DYNC2H1: variants seen among roughly 807,000 people sequenced by gnomAD.
The protein encoded by DYNC2H1 is cytoplasmic dynein 2 heavy chain 1.
Under a neutral mutation model 570.0 loss-of-function variants are expected in DYNC2H1, and 410 were observed. The observed-to-expected ratio is 0.72, with a 90% confidence interval of 0.66 to 0.78. DYNC2H1 has a LOEUF of 0.78. Among genes scored for constraint, DYNC2H1 ranks in the 30% least tolerant of loss-of-function variants. The probability of loss-of-function intolerance (pLI) is 0.00; values close to 1 mark genes in which losing one functional copy is unlikely to be tolerated. For missense variants in DYNC2H1, 4,865 were observed against 5,046.4 expected, an observed-to-expected ratio of 0.96 and a Z score of 1.09; for synonymous variants, 1,688 against 1,677.6, an observed-to-expected ratio of 1.01 and a Z score of -0.15.
intron 84 of DYNC2H1, among the ~76,000 whole-genome samples, chr11:103,400,931 C>G (rs922000368): frequency 4.6e-5 from 7 of 152,090 alleles, no homozygotes; most frequent in Admixed American, 1.3e-4. Context: ...GTTAATCAAC[C>G]ATGATTATCA....
intron 85 of DYNC2H1, among the ~76,000 whole-genome samples, chr11:103,449,862 C>A (rs754623256): frequency 6.6e-6 from 1 of 152,144 alleles, no homozygotes; most frequent in Non-Finnish European, 1.5e-5. Flanking sequence ...AGCATTTTTA[C>A]AAATTGATAG....
chr11:103,202,293 G>GTTTTTTTT (rs1318165052), intron 50 of DYNC2H1, among the ~76,000 whole-genome samples: 3 of 47,152 alleles, frequency 6.4e-5, no homozygotes, highest in Non-Finnish European at 3.5e-5. Context: ...CAGAAACACA[G>GTTTTTTTT]ATTTTTTTTT....
chr11:103,278,497 T>A (rs1333031471), intron 70 of DYNC2H1, among the ~76,000 whole-genome samples: 1 of 152,148 alleles, frequency 6.6e-6, no homozygotes, highest in Admixed American at 6.5e-5. Flanking sequence ...CTGGCTAAGG[T>A]CACCTGGCTA....
At chr11:103,230,447 C>T (rs959515414) in intron 59 of DYNC2H1, among the ~76,000 whole-genome samples, 3 of 152,066 alleles carry the variant, frequency 2.0e-5, no homozygotes, top group African/African-American at 7.2e-5. Flanking sequence ...TTATCTTTCA[C>T]CTAGGATGTG....
chr11:103,115,235 TA>T lies in DYNC2H1; in HGVS notation c.564del (p.Lys188AsnfsTer31). The T allele has an allele frequency of 6.2e-7, 1 of 1,609,986 alleles. No homozygotes were observed. The highest frequency in any genetic ancestry group is 8.5e-7 in the Non-Finnish European group (1 of 1,178,030). On this transcript the variant is annotated frameshift_variant, in exon 4 of 89. Transcript: ENST00000375735. LOFTEE classifies it high-confidence loss of function. ...FWIEQAHRGN[K>X]QISKERANYF... ...GGATAGAACAAGCTCACCGTGGAAA[TA>T]AACAGATTAGTAAAGAAAGAGCCAA...
rs546169154 is a variant in DYNC2H1, at chr11:103,244,624, T to C, written c.9919-627T>C. On this transcript the variant is annotated intron_variant, in intron 64 of 88. Coordinates refer to ENST00000375735, the MANE Select transcript of DYNC2H1 (RefSeq NM_001377.3). This position sits in a 1 kb window ranked among gnomAD's most constrained non-coding sequence, Gnocchi z 4.3. ...GTTTGCAATATTATGTATGACTACA[T>C]ATAAGTATACTATATATCTCTATAT... Among the ~76,000 whole-genome samples the C allele has an allele frequency of 1.0e-4, 15 of 148,688 alleles. No individual in the cohort carries two copies. Among genetic ancestry groups the C allele is most frequent in the African/African-American group, 3.7e-4 (15 of 40,972 alleles).
chr11:103,377,422 A>G (rs1292273532), intron 83 of DYNC2H1, among the ~76,000 whole-genome samples: 5 of 151,684 alleles, frequency 3.3e-5, no homozygotes, highest in Non-Finnish European at 7.4e-5. Context: ...TGTATTTTTT[A>G]GTTTATTTTC....
At chr11:103,361,821 A>G (rs1940657498) in intron 83 of DYNC2H1, among the ~76,000 whole-genome samples, 1 of 152,228 alleles carries the variant, frequency 6.6e-6, no homozygotes, top group Non-Finnish European at 1.5e-5. Context: ...AGACTGTGTT[A>G]CCATAGAAAC....
chr11:103,227,926 G>A (rs550528276), intron 59 of DYNC2H1, among the ~76,000 whole-genome samples: 74 of 152,158 alleles, frequency 4.9e-4, no homozygotes, highest in African/African-American at 1.4e-3. Context: ...TCCTTTTATC[G>A]TTATATAATG....
intron 83 of DYNC2H1, among the ~76,000 whole-genome samples, chr11:103,365,189 C>A (rs1297147496): frequency 6.6e-6 from 1 of 152,000 alleles, no homozygotes; most frequent in South Asian, 2.1e-4. Context: ...TGGAGAAACC[C>A]TGTCTCTACT....
intron 83 of DYNC2H1, among the ~76,000 whole-genome samples, chr11:103,378,901 A>G (rs3910095): frequency 0.053 from 8,066 of 152,224 alleles, 263 homozygotes; most frequent in Non-Finnish European, 0.077. Context: ...TCTTTCCTTC[A>G]GAGTATTCTT....
At chr11:103,230,971 T>C (rs933453626) in intron 59 of DYNC2H1, among the ~76,000 whole-genome samples, 1 of 152,180 alleles carries the variant, frequency 6.6e-6, no homozygotes, top group Non-Finnish European at 1.5e-5. Context: ...TTCATTTTAG[T>C]AGGGTTCTAG....
chr11:103,145,758 A>T lies in DYNC2H1; in HGVS notation c.2703-2014A>T, dbSNP rs188810594. Among the ~76,000 whole-genome samples, 42 of 152,382 alleles carry T rather than the reference A, an allele frequency of 2.8e-4. No individual in the cohort carries two copies. The South Asian group carries it at 8.7e-3, about 32-fold the overall frequency. ...CTAGTGATGTATTTTAGATAGTATCATAAGAAAATCATTTTTGAATATGCA... is the reference window on the plus strand; with the variant it reads ...CTAGTGATGTATTTTAGATAGTATCTTAAGAAAATCATTTTTGAATATGCA... On this transcript the variant is annotated intron_variant, in intron 18 of 88. Transcript: ENST00000375735. The surrounding 1 kb of genome is among the most constrained non-coding windows in gnomAD (Gnocchi z 4.2).
chr11:103,297,884 A>G (rs1320484526), intron 75 of DYNC2H1, among the ~76,000 whole-genome samples: 2 of 152,062 alleles, frequency 1.3e-5, no homozygotes, highest in African/African-American at 2.4e-5. Flanking sequence ...TGTTGTCTCT[A>G]TGTTTAGAGT....
intron 59 of DYNC2H1, among the ~76,000 whole-genome samples, chr11:103,223,840 C>T (rs889520037): frequency 1.3e-5 from 2 of 151,294 alleles, no homozygotes; most frequent in African/African-American, 4.9e-5. Flanking sequence ...CTCCGCCTCC[C>T]GGGTTCAAGT....
chr11:103,270,208 A>T (rs1475541326), intron 70 of DYNC2H1, among the ~76,000 whole-genome samples: 12 of 147,448 alleles, frequency 8.1e-5, no homozygotes, highest in South Asian at 4.3e-4. Context: ...AAAAAAAAAA[A>T]ATAATAATAA....
At chr11:103,445,283 A>C (rs1944386578) in intron 85 of DYNC2H1, among the ~76,000 whole-genome samples, 1 of 152,216 alleles carries the variant, frequency 6.6e-6, no homozygotes, top group Admixed American at 6.5e-5. Context: ...AGCATTTAGT[A>C]TATGAAACTA....
At position 103,472,538 on chromosome 11, in the gene DYNC2H1, C is replaced by A. The variant is rs974187126; in HGVS notation, c.12765+3833C>A. On this transcript the variant is annotated intron_variant, in intron 88 of 88. Coordinates refer to ENST00000375735, the MANE Select transcript of DYNC2H1 (RefSeq NM_001377.3). The surrounding 1 kb of genome is among the most constrained non-coding windows in gnomAD (Gnocchi z 4.1). ...TAACAATCCTATGAGTTTGGTACAGCAAATTTTCTATTTTTCTGATGAAAG... is the reference window on the plus strand; with the variant it reads ...TAACAATCCTATGAGTTTGGTACAGAAAATTTTCTATTTTTCTGATGAAAG... Among the ~76,000 whole-genome samples, 2 of 151,974 alleles carry A rather than the reference C, an allele frequency of 1.3e-5. No homozygotes were observed. Among genetic ancestry groups the A allele is most frequent in the Admixed American group, 6.6e-5 (1 of 15,256 alleles).
chr11:103,413,644 TTGAAC>T (rs1366126556), intron 84 of DYNC2H1, among the ~76,000 whole-genome samples: 1 of 152,190 alleles, frequency 6.6e-6, no homozygotes. Context: ...CTTTGTTTGT[TTGAAC>T]TGAACTGCAT....
Sources: gnomAD v4.1 joint callset for allele counts (sites outside exome capture counted in the v4.1 genomes callset) on GRCh38, gnomAD v4.1.1 for gene constraint, Gnocchi (gnomAD v3.1) non-coding constraint, MANE v1.5 for transcripts, NCBI Gene and HGNC (gene_info 2026-07-23, HGNC 2026-07-21) for gene names.